Variants in SPAG16 observed in about 807,000 individuals in gnomAD.
SPAG16 encodes the protein sperm associated antigen 16.
A neutral mutation model predicts 80.4 loss-of-function variants in SPAG16; 86 were observed. The ratio of observed to expected loss-of-function variants is 1.07; its 90% CI spans 0.90 to 1.28. The LOEUF (loss-of-function observed/expected upper bound fraction) is 1.28, where lower values mean the gene tolerates loss of function less well. SPAG16 is among the 50% of genes most tolerant of loss of function. SPAG16 has a pLI of 0.00. For synonymous variants in SPAG16, 294 were observed against 265.9 expected (o/e 1.11, Z -1.03); for missense variants, 870 against 765.3 (o/e 1.14, Z -1.61).
At chr2:213,301,333 A>T (rs1181518781) in intron 3 of SPAG16, among the ~76,000 whole-genome samples, 1 of 152,194 alleles carries the variant, frequency 6.6e-6, no homozygotes, top group African/African-American at 2.4e-5. Flanking sequence ...TAAGGAGTTG[A>T]TGAAATGAAG....
intron 12 of SPAG16, among the ~76,000 whole-genome samples, chr2:213,976,831 G>A (rs1319437046): frequency 6.6e-6 from 1 of 151,992 alleles, no homozygotes; most frequent in Non-Finnish European, 1.5e-5. Flanking sequence ...TTGTTTGTTT[G>A]TTTGTTTGTT....
chr2:213,463,892 A>T (rs2072526277), intron 9 of SPAG16, among the ~76,000 whole-genome samples: 1 of 152,230 alleles, frequency 6.6e-6, no homozygotes, highest in African/African-American at 2.4e-5. Context: ...CTCAGTGACC[A>T]TCTGTTCCAC....
intron 13 of SPAG16, among the ~76,000 whole-genome samples, chr2:214,107,803 C>T (rs1389783499): frequency 6.6e-6 from 1 of 152,034 alleles, no homozygotes; most frequent in African/African-American, 2.4e-5. Context: ...AAGAGAGACC[C>T]CACTGCCTAC....
Position 213,843,679 on chromosome 2 carries a change from C to T in SPAG16, c.1071-18806C>T, listed in dbSNP as rs573323588. 3.3e-5 allele frequency among the ~76,000 whole-genome samples: 5 copies of T among 151,452 alleles called. No homozygotes were observed. The South Asian group carries it at 6.2e-4, about 19-fold the overall frequency. ...TGGCCTTGCCAACATGGTGCAAACG[C>T]GTCTCTACTAAAAATACAAAAATTA... On this transcript the variant is annotated intron_variant, in intron 10 of 15. Coordinates refer to ENST00000331683, the MANE Select transcript of SPAG16 (RefSeq NM_024532.5).
chr2:214,258,961 T>A (rs555046862), intron 15 of SPAG16, among the ~76,000 whole-genome samples: 29 of 152,082 alleles, frequency 1.9e-4, no homozygotes, highest in Admixed American at 4.6e-4. Flanking sequence ...TTTTATGTCT[T>A]TAAGCATAAT....
intron 15 of SPAG16, among the ~76,000 whole-genome samples, chr2:214,203,160 G>A (rs2058053823): frequency 6.6e-6 from 1 of 152,102 alleles, no homozygotes; most frequent in Non-Finnish European, 1.5e-5. Context: ...TGAAAATAAA[G>A]ATAATTATAT....
At chr2:214,038,495 G>C (rs981207098) in intron 13 of SPAG16, among the ~76,000 whole-genome samples, 1 of 151,594 alleles carries the variant, frequency 6.6e-6, no homozygotes, top group Non-Finnish European at 1.5e-5. Context: ...TATACTAAAA[G>C]CTTACCATTT....
At chr2:213,811,939 G>A (rs1344141284) in intron 10 of SPAG16, among the ~76,000 whole-genome samples, 1 of 152,084 alleles carries the variant, frequency 6.6e-6, no homozygotes, top group African/African-American at 2.4e-5. Context: ...GTTCAGGCAA[G>A]CAGAGAACAC....
chr2:213,959,230 G>T (rs1226663095), intron 12 of SPAG16, among the ~76,000 whole-genome samples: 1 of 151,896 alleles, frequency 6.6e-6, no homozygotes, highest in Non-Finnish European at 1.5e-5. Flanking sequence ...GTCTCAGTGT[G>T]GTCTCTTTGA....
chr2:213,652,085 A>C (rs1216851591), intron 10 of SPAG16, among the ~76,000 whole-genome samples: 2 of 152,190 alleles, frequency 1.3e-5, no homozygotes, highest in Admixed American at 6.5e-5. Context: ...TTAAAAGCAC[A>C]GGCTCTGGAT....
rs192612712 is a variant in SPAG16, at chr2:213,810,292, T to A, written c.1071-52193T>A. Among the ~76,000 whole-genome samples the A allele has an allele frequency of 4.0e-4, 61 of 152,278 alleles. 1 individual carries two copies. Among genetic ancestry groups the A allele is most frequent in the African/African-American group, 1.4e-3 (60 of 41,560 alleles). The stretch of plus-strand genomic sequence containing the variant: ...GGTTTAAGAGTATTGGATAATTCAT[T>A]TACATGAATCCTGAAGCCTTCTAAA... On this transcript the variant is annotated intron_variant, in intron 10 of 15. Transcript: ENST00000331683.
At chr2:213,788,300 T>C (rs554878670) in intron 10 of SPAG16, among the ~76,000 whole-genome samples, 1 of 151,924 alleles carries the variant, frequency 6.6e-6, no homozygotes, top group Non-Finnish European at 1.5e-5. Context: ...CATAATAACC[T>C]ATAAAAAGGA....
chr2:213,778,691 C>G (rs2069754823), intron 10 of SPAG16, among the ~76,000 whole-genome samples: 1 of 152,106 alleles, frequency 6.6e-6, no homozygotes, highest in Non-Finnish European at 1.5e-5. Context: ...CCCTACTTGG[C>G]TAAATCCATC....
chr2:213,578,119 G>C (rs1327302854), intron 10 of SPAG16, among the ~76,000 whole-genome samples: 2 of 152,028 alleles, frequency 1.3e-5, no homozygotes, highest in Admixed American at 6.6e-5. Flanking sequence ...TAGTGAAAAA[G>C]AGGCTGATTG....
At chr2:214,148,608 CTG>C (rs974587021) in intron 14 of SPAG16, among the ~76,000 whole-genome samples, 7 of 152,258 alleles carry the variant, frequency 4.6e-5, no homozygotes, top group Admixed American at 1.3e-4. Flanking sequence ...TCTTCTCTCA[CTG>C]TGTCCATTTT....
At chr2:213,562,454 T>A (rs1445959130) in intron 10 of SPAG16, among the ~76,000 whole-genome samples, 3 of 152,232 alleles carry the variant, frequency 2.0e-5, no homozygotes, top group Admixed American at 6.5e-5. Context: ...TTAAGTTTGT[T>A]CAGGCTGCCA....
chr2:213,394,335 C>G (rs781388906), intron 9 of SPAG16, among the ~76,000 whole-genome samples: 2 of 152,000 alleles, frequency 1.3e-5, no homozygotes, highest in Non-Finnish European at 2.9e-5. Context: ...TTAAATTTTA[C>G]TGTGTTGTAC....
chr2:213,325,052 C>A (rs956584438), intron 5 of SPAG16, among the ~76,000 whole-genome samples: 4 of 151,820 alleles, frequency 2.6e-5, no homozygotes, highest in African/African-American at 9.7e-5. Context: ...AAGCATTTAT[C>A]CTGCTTTCTG....
At position 214,114,805 on chromosome 2, in the gene SPAG16, G is replaced by A. The variant is rs182582533; in HGVS notation, c.1593+6544G>A. ...TACCTGCTTCGGGTGGCCCTCTGTGGGCTGCACCCACTGTCCAACCAGTCC... is the reference window on the plus strand; with the variant it reads ...TACCTGCTTCGGGTGGCCCTCTGTGAGCTGCACCCACTGTCCAACCAGTCC... On this transcript the variant is annotated intron_variant, in intron 14 of 15. Coordinates refer to ENST00000331683, the MANE Select transcript of SPAG16 (RefSeq NM_024532.5). 9.5e-4 allele frequency among the ~76,000 whole-genome samples: 144 copies of A among 152,226 alleles called. 1 individual carries two copies. The Middle Eastern group carries it at 0.017, about 18-fold the overall frequency.
Sources: allele counts gnomAD v4.1 joint callset (sites outside exome capture counted in the v4.1 genomes callset), GRCh38; gene constraint gnomAD v4.1.1; transcripts MANE v1.5; gene names NCBI Gene and HGNC (gene_info 2026-07-23, HGNC 2026-07-21).